Variants in C11orf65 observed in about 807,000 individuals in gnomAD.
C11orf65 encodes chromosome 11 open reading frame 65, also known as protein MFI.
In C11orf65, 38 loss-of-function variants were observed where a neutral mutation model predicts 35.3. That is an observed-to-expected ratio of 1.08 (90% CI 0.83 to 1.41). The LOEUF (loss-of-function observed/expected upper bound fraction) is 1.41. Ranked by LOEUF, C11orf65 falls within the 40% of genes most tolerant of loss-of-function variation. The pLI is 0.00. For missense variants in C11orf65, 370 were observed against 367.1 expected, an observed-to-expected ratio of 1.01 and a Z score of -0.06; for synonymous variants, 105 against 114.4, an observed-to-expected ratio of 0.92 and a Z score of 0.53.
Position 108,358,425 on chromosome 11 carries a change from G to C in C11orf65, c.227-23133C>G, listed in dbSNP as rs555537226. 2.7e-5 allele frequency among the ~76,000 whole-genome samples: 4 copies of C among 150,502 alleles called. No homozygotes were observed. In the East Asian group the frequency reaches 7.8e-4, roughly 29 times the overall value. On this transcript the variant is annotated intron_variant, in intron 2 of 3. Transcript: ENST00000524755. ...ATCTAGCAAGGCAGGCCAACGTTCA[G>C]ATTCAGGAAATACAGAGAATGCCAC...
At chr11:108,449,231 T>C (rs1414141440) in intron 2 of C11orf65, among the ~76,000 whole-genome samples, 1 of 152,028 alleles carries the variant, frequency 6.6e-6, no homozygotes, top group Non-Finnish European at 1.5e-5. Flanking sequence ...ATAGATTCAA[T>C]GCCATCCCCA....
chr11:108,325,653 T>C (rs2085603525), intron 6 of C11orf65: 1 of 916,126 alleles, frequency 1.1e-6, no homozygotes, highest in Non-Finnish European at 1.6e-6. Flanking sequence ...TAGAGATCTC[T>C]ATTAATATAT....
At chr11:108,384,218 G>A (rs140562574) in intron 8 of C11orf65, among the ~76,000 whole-genome samples, 100 of 152,290 alleles carry the variant, frequency 6.6e-4, no homozygotes, top group African/African-American at 2.2e-3. Context: ...GAAGGGAATG[G>A]AGAAGCATTG....
chr11:108,379,890 G>C (rs76740437), downstream of C11orf65, among the ~76,000 whole-genome samples: 419 of 152,174 alleles, frequency 2.8e-3, 1 homozygote, highest in African/African-American at 9.8e-3. Flanking sequence ...TCAAAAAGGG[G>C]TAATATTTGA....
At chr11:108,468,460 A>T (rs1474243504), upstream of C11orf65, among the ~76,000 whole-genome samples, 1 of 152,242 alleles carries the variant, frequency 6.6e-6, no homozygotes, top group African/African-American at 2.4e-5. Context: ...TCTTGTTCAG[A>T]ACTGCCCAGT....
chr11:108,362,669 AATC>A (rs1439950348), intron 2 of C11orf65, among the ~76,000 whole-genome samples: 2 of 149,458 alleles, frequency 1.3e-5, no homozygotes, highest in African/African-American at 4.9e-5. Context: ...TGAAATTGGA[AATC>A]ATCATTCTCA....
intron 3 of C11orf65, chr11:108,331,815 A>G: frequency 1.3e-6 from 2 of 1,568,348 alleles, no homozygotes; most frequent in South Asian, 2.3e-5. Context: ...TGTTAAGCAA[A>G]ATGAAAAATA....
At position 108,316,081 on chromosome 11, in the gene C11orf65, C is replaced by A. The variant is rs2084621820; in HGVS notation, c.641-7010G>T. The stretch of plus-strand genomic sequence containing the variant: ...AACATATGACCTCGAAACAGCAATC[C>A]CCTCATCAACACGCCAGGCAGGAAT... On this transcript the variant is annotated intron_variant, in intron 6 of 6. Coordinates refer to the C11orf65 transcript ENST00000525729. The A allele has an allele frequency of 1.2e-6, 2 of 1,613,956 alleles. No homozygotes were observed. Among genetic ancestry groups the A allele is most frequent in the Non-Finnish European group, 8.5e-7 (1 of 1,180,012 alleles).
intron 2 of C11orf65, among the ~76,000 whole-genome samples, chr11:108,433,088 A>G (rs1199430276): frequency 6.6e-6 from 1 of 152,010 alleles, no homozygotes; most frequent in African/African-American, 2.4e-5. Flanking sequence ...AATTTTTGGA[A>G]TATCTAGGAT....
chr11:108,400,056 G>C (rs1390939540), intron 6 of C11orf65, among the ~76,000 whole-genome samples: 6 of 152,156 alleles, frequency 3.9e-5, no homozygotes, highest in African/African-American at 1.2e-4. Flanking sequence ...AAGGCAGCTT[G>C]ACCACATTGT....
At chr11:108,468,358 G>A (rs2093559699), upstream of C11orf65, among the ~76,000 whole-genome samples, 1 of 152,204 alleles carries the variant, frequency 6.6e-6, no homozygotes, top group African/African-American at 2.4e-5. Context: ...TGCAAGCACT[G>A]CTTATCTAAA....
intron 2 of C11orf65, chr11:108,355,991 T>C (rs984498554): frequency 2.4e-4 from 36 of 152,204 alleles, no homozygotes; most frequent in African/African-American, 7.7e-4. Flanking sequence ...CAATAATACG[T>C]TGGTAAAATT....
At chr11:108,429,095 T>C (rs936587456) in intron 3 of C11orf65, among the ~76,000 whole-genome samples, 2 of 151,932 alleles carry the variant, frequency 1.3e-5, no homozygotes, top group Non-Finnish European at 2.9e-5. Flanking sequence ...TGCAGTGAAC[T>C]GTGATCACAC....
chr11:108,336,643 A>G (rs2086891047), intron 2 of C11orf65, among the ~76,000 whole-genome samples: 1 of 152,226 alleles, frequency 6.6e-6, no homozygotes, highest in Non-Finnish European at 1.5e-5. Context: ...GAACATACAA[A>G]TTTCATACAT....
At chr11:108,459,726 T>TACGCACACACAC (rs915851145) in intron 2 of C11orf65, among the ~76,000 whole-genome samples, 1 of 138,570 alleles carries the variant, frequency 7.2e-6, no homozygotes, top group Non-Finnish European at 1.6e-5. Flanking sequence ...GTCCTCCGTC[T>TACGCACACACAC]ACACACACAC....
chr11:108,386,866 G>C (rs1172313419), intron 7 of C11orf65, among the ~76,000 whole-genome samples: 1 of 152,032 alleles, frequency 6.6e-6, no homozygotes, highest in Non-Finnish European at 1.5e-5. Context: ...CGGATCACAA[G>C]GTCAGGAGAT....
At chr11:108,418,374 G>T (rs2092770583) in intron 3 of C11orf65, among the ~76,000 whole-genome samples, 1 of 152,034 alleles carries the variant, frequency 6.6e-6, no homozygotes, top group African/African-American at 2.4e-5. Flanking sequence ...GCACAATCAA[G>T]ATAAGGGCTG....
intron 2 of C11orf65, among the ~76,000 whole-genome samples, chr11:108,440,731 A>G (rs542577932): frequency 1.3e-5 from 2 of 152,276 alleles, no homozygotes; most frequent in Admixed American, 6.5e-5. Flanking sequence ...GGACACTGCA[A>G]TGCTTTTTAT....
intron 3 of C11orf65, chr11:108,332,723 G>C (rs373136939): frequency 6.3e-7 from 1 of 1,597,038 alleles, no homozygotes; most frequent in Non-Finnish European, 8.5e-7. Flanking sequence ...TAAATGTTGG[G>C]TAGTTCCTTA....
Sources: gnomAD v4.1 joint callset for allele counts (sites outside exome capture counted in the v4.1 genomes callset) on GRCh38, gnomAD v4.1.1 for gene constraint, MANE v1.5 for transcripts, NCBI Gene and HGNC (gene_info 2026-07-23, HGNC 2026-07-21) for gene names.